The following UPF2 variants were observed in gnomAD, a reference collection of about 807,000 sequenced individuals.
UPF2 encodes UPF2 regulator of nonsense mediated mRNA decay.
UPF2 carries 17 observed loss-of-function variants against 141.4 expected under a neutral mutation model. The ratio of observed to expected loss-of-function variants is 0.12; its 90% CI spans 0.08 to 0.18. UPF2 has a LOEUF of 0.18. Among genes scored for constraint, UPF2 ranks in the 10% least tolerant of loss-of-function variants. The pLI, the probability that UPF2 is intolerant of heterozygous loss-of-function variation, is 1.00. For synonymous variants in UPF2, 540 were observed against 498.0 expected, an observed-to-expected ratio of 1.08 and a Z score of -1.12; for missense variants, 1,152 against 1,515.9, an observed-to-expected ratio of 0.76 and a Z score of 3.99.
rs899968320 is a variant in UPF2 at position 12,025,551 on chromosome 10, A to C, written c.1145+3194T>G. Among the ~76,000 whole-genome samples, 3 of 151,126 alleles carry C rather than the reference A, an allele frequency of 2.0e-5. No individual in the cohort carries two copies. The East Asian group carries it at 5.8e-4, about 29-fold the overall frequency. On this transcript the variant is annotated intron_variant, in intron 3 of 21. Coordinates refer to ENST00000357604, the MANE Select transcript of UPF2 (RefSeq NM_015542.4). ...GGGAGACAGTAAGACTCCATCTCTA[A>C]ATAAATAAATAAATAAATAAATAAA...
chr10:12,028,613 T>C, intron 3 of UPF2, 132 bp downstream of exon 3: 1 of 875,530 alleles, frequency 1.1e-6, no homozygotes, highest in East Asian at 2.7e-5. Flanking sequence ...TTTGAAATTT[T>C]CCTGGAATGT....
intron 15 of UPF2, among the ~76,000 whole-genome samples, chr10:11,950,877 T>A (rs1833065230): frequency 6.6e-6 from 1 of 152,218 alleles, no homozygotes. Flanking sequence ...ACTTGCACAA[T>A]CAGTAGCAGC....
intron 20 of UPF2, among the ~76,000 whole-genome samples, 188 bp from the exon 21 acceptor site, chr10:11,930,173 C>A (rs892791316): frequency 2.0e-5 from 3 of 152,250 alleles, no homozygotes; most frequent in Admixed American, 2.0e-4. Context: ...AGAGGAGACT[C>A]TTTTAATACC....
chr10:12,013,028 C>T (rs189487527), intron 4 of UPF2, among the ~76,000 whole-genome samples: 27 of 149,974 alleles, frequency 1.8e-4, no homozygotes, highest in African/African-American at 3.2e-4. Context: ...GGGAGACTGA[C>T]GCAGGAGACT....
intron 15 of UPF2, among the ~76,000 whole-genome samples, chr10:11,949,912 T>G (rs964998478): frequency 8.5e-5 from 13 of 152,192 alleles, no homozygotes; most frequent in Admixed American, 2.6e-4. Context: ...GTGAAACAGC[T>G]GTATTAAGTA....
intron 5 of UPF2, among the ~76,000 whole-genome samples, chr10:12,002,055 G>A (rs1023042464): frequency 2.0e-5 from 3 of 152,158 alleles, no homozygotes; most frequent in Admixed American, 2.0e-4. Context: ...AGGATCACCT[G>A]AGGTCAGGAG....
rs142326590 is a variant in UPF2 at position 11,983,986 on chromosome 10, C to T, written c.1845-4821G>A. On this transcript the variant is annotated intron_variant, in intron 8 of 21. Coordinates refer to ENST00000357604, the MANE Select transcript of UPF2 (RefSeq NM_015542.4). ...TTGCCCAGGCTGGAGTGCAATGGCG[C>T]GATCTCGGCTCACCACAACCTCCAC... is the stretch of plus-strand genomic sequence containing the variant. Among the ~76,000 whole-genome samples the T allele has an allele frequency of 2.4e-3, 362 of 151,654 alleles. 1 individual carries two copies. Among genetic ancestry groups the T allele is most frequent in the South Asian group, 8.8e-3 (42 of 4,788 alleles).
intron 1 of UPF2, among the ~76,000 whole-genome samples, chr10:12,037,011 A>C (rs1481622749): frequency 3.3e-5 from 5 of 152,110 alleles, no homozygotes; most frequent in Admixed American, 1.3e-4. Flanking sequence ...GGCAACAAGG[A>C]CAAAACTCCG....
intron 2 of UPF2, among the ~76,000 whole-genome samples, chr10:12,032,727 G>C (rs1162028134): frequency 1.5e-5 from 2 of 137,714 alleles, no homozygotes; most frequent in South Asian, 2.4e-4. Flanking sequence ...GACAGAGCAA[G>C]ACCCTGTCTC....
rs1193898332 is a variant in UPF2, at chr10:12,019,559, C to A, written c.1146-5375G>T. Among the ~76,000 whole-genome samples, 3 of 152,132 alleles carry A rather than the reference C, an allele frequency of 2.0e-5. No individual in the cohort carries two copies. Among genetic ancestry groups the A allele is most frequent in the African/African-American group, 7.2e-5 (3 of 41,404 alleles). Reference sequence around the variant, plus strand: ...TTGCACACTAGAGAGGTACTTGTCCCCTTTTACAGATATAAACAGTAAGTA... The same window carrying A: ...TTGCACACTAGAGAGGTACTTGTCCACTTTTACAGATATAAACAGTAAGTA... On this transcript the variant is annotated intron_variant, in intron 3 of 21. Coordinates refer to ENST00000357604, the MANE Select transcript of UPF2 (RefSeq NM_015542.4). This position sits in a 1 kb window ranked among gnomAD's most constrained non-coding sequence, Gnocchi z 4.5.
At chr10:11,949,698 G>A (rs1346212757) in intron 15 of UPF2, among the ~76,000 whole-genome samples, 3 of 152,152 alleles carry the variant, frequency 2.0e-5, no homozygotes, top group Non-Finnish European at 2.9e-5. Flanking sequence ...AAACTTTAGC[G>A]ATGATGTGAT....
intron 1 of UPF2, among the ~76,000 whole-genome samples, chr10:12,041,982 G>A (rs1017811516): frequency 6.6e-6 from 1 of 152,156 alleles, no homozygotes; most frequent in South Asian, 2.1e-4. Context: ...AATATCCTGT[G>A]ATCACTTCCT....
chr10:11,938,687 A>G (rs1832884222), intron 18 of UPF2, among the ~76,000 whole-genome samples: 1 of 151,700 alleles, frequency 6.6e-6, no homozygotes, highest in South Asian at 2.1e-4. Flanking sequence ...TTGATTTGCT[A>G]TAGTAAAAGT....
At position 11,920,990 on chromosome 10, in the gene UPF2, T is replaced by C. The variant is rs1423841584; in HGVS notation, c.*308A>G. 1.6e-6 allele frequency: 1 copy of C among 625,102 alleles called. No homozygotes were observed. Among genetic ancestry groups the C allele is most frequent in the African/African-American group, 1.8e-5 (1 of 55,194 alleles). 38.7% of individuals were successfully genotyped at this position (625,102 alleles called of 1,614,324 possible). A position where few individuals can be genotyped will look rare whatever the true frequency, so the allele number is the denominator to read the frequency against. On this transcript the variant is annotated 3_prime_UTR_variant, in exon 22 of 22. Transcript: ENST00000357604. ...CTCAATCATCTCCTTCACGCTCTCC[T>C]TGGTGTAACTGCTCAGTAGTCAAGT... is the stretch of plus-strand genomic sequence containing the variant.
chr10:11,990,108 A>T (rs1020878078), intron 8 of UPF2, among the ~76,000 whole-genome samples: 2 of 152,232 alleles, frequency 1.3e-5, no homozygotes, highest in African/African-American at 4.8e-5. Flanking sequence ...ATCTGTCCAG[A>T]TTTGCTTCAA....
intron 15 of UPF2, among the ~76,000 whole-genome samples, chr10:11,949,311 A>G (rs11819344): frequency 0.064 from 9,701 of 152,248 alleles, 386 homozygotes; most frequent in Non-Finnish European, 0.092. Flanking sequence ...ACTGCTTTGA[A>G]ATCTTGCTTG....
chr10:11,992,591 A>T lies in UPF2; in HGVS notation c.1844+5081T>A, dbSNP rs1833797720. On this transcript the variant is annotated intron_variant, in intron 8 of 21. Transcript: ENST00000357604. The surrounding 1 kb of genome is among the most constrained non-coding windows in gnomAD (Gnocchi z 4.1). ...TACACTCATGCGTGCACACTAAATTAAAAAATATAAAAGACCACATAATGA... is the reference window on the plus strand; with the variant it reads ...TACACTCATGCGTGCACACTAAATTTAAAAATATAAAAGACCACATAATGA... 6.6e-6 allele frequency among the ~76,000 whole-genome samples: 1 copy of T among 152,142 alleles called. No homozygotes were observed. Among genetic ancestry groups the T allele is most frequent in the Non-Finnish European group, 1.5e-5 (1 of 68,030 alleles).
At chr10:11,941,704 A>ACCC (rs1017469940) in intron 18 of UPF2, among the ~76,000 whole-genome samples, 3 of 151,754 alleles carry the variant, frequency 2.0e-5, no homozygotes, top group African/African-American at 2.4e-5. Context: ...CACCAAACCC[A>ACCC]CCCCAGTGGG....
intron 14 of UPF2, among the ~76,000 whole-genome samples, chr10:11,952,469 CTTTTTTTTTTT>C (rs869201076): frequency 2.0e-5 from 2 of 97,744 alleles, no homozygotes; most frequent in South Asian, 8.7e-4. Flanking sequence ...TACTAAATAT[CTTTTTTTTTTT>C]TTTTTTTTTT....
Sources: gnomAD v4.1 joint callset for allele counts (sites outside exome capture counted in the v4.1 genomes callset) on GRCh38, gnomAD v4.1.1 for gene constraint, Gnocchi (gnomAD v3.1) non-coding constraint, MANE v1.5 for transcripts, NCBI Gene and HGNC (gene_info 2026-07-23, HGNC 2026-07-21) for gene names.